The following MAFG variants were observed in gnomAD, a reference collection of about 807,000 sequenced individuals.
MAFG encodes MAF bZIP transcription factor G.
In MAFG, 3 loss-of-function variants were observed where a neutral mutation model predicts 12.2. The ratio of observed to expected loss-of-function variants is 0.25; its 90% CI spans 0.11 to 0.64. The LOEUF is 0.64. Ranked by LOEUF, MAFG falls within the 30% of genes least tolerant of loss-of-function variation. The pLI, the probability that MAFG is intolerant of heterozygous loss-of-function variation, is 0.85. For missense variants in MAFG, 153 were observed against 235.5 expected (o/e 0.65, Z 2.29); for synonymous variants, 126 against 109.1 (o/e 1.15, Z -0.96).
upstream of MAFG, chr17:81,927,894 G>A (rs539275979): frequency 1.3e-5 from 2 of 152,144 alleles, no homozygotes; most frequent in Non-Finnish European, 2.9e-5. Flanking sequence ...GGGGTCTCAC[G>A]GGCGGGCCTG....
chr17:81,923,088 A>G, intron 2 of MAFG, 31 bp from the exon 3 acceptor site: 1 of 1,609,382 alleles, frequency 6.2e-7, no homozygotes, highest in Non-Finnish European at 8.5e-7. Context: ...TCACAGGCCA[A>G]GCGGGCACGC....
chr17:81,929,656 T>C (rs185075532), upstream of MAFG: 1 of 152,378 alleles, frequency 6.6e-6, no homozygotes, highest in East Asian at 1.9e-4. This position sits in a 1 kb window ranked among gnomAD's most constrained non-coding sequence, Gnocchi z 5.7. Flanking sequence ...GAAAGGCTAC[T>C]GTACTGAGAG....
intron 1 of MAFG, among the ~76,000 whole-genome samples, chr17:81,925,996 C>CTGTGTG (rs532478689): frequency 4.9e-4 from 44 of 89,026 alleles, no homozygotes; most frequent in South Asian, 4.8e-3. Context: ...GAGAATGGAC[C>CTGTGTG]TGTGTGTGTG....
At chr17:81,923,096 C>T (rs769128567) in intron 2 of MAFG, 39 bp from the exon 3 acceptor site, 21 of 1,610,086 alleles carry the variant, frequency 1.3e-5, no homozygotes, top group South Asian at 3.3e-5. Flanking sequence ...CAAGCGGGCA[C>T]GCCCACTGTG....
intron 1 of MAFG, among the ~76,000 whole-genome samples, chr17:81,925,160 G>C (rs755346834): frequency 1.6e-4 from 24 of 152,320 alleles, no homozygotes; most frequent in African/African-American, 5.8e-4. Context: ...CCCTCCTCCA[G>C]CCCTCAAGGC....
intron 1 of MAFG, among the ~76,000 whole-genome samples, chr17:81,927,242 G>A (rs1442358889): frequency 2.6e-5 from 4 of 151,654 alleles, no homozygotes; most frequent in Non-Finnish European, 5.9e-5. Flanking sequence ...CCGGGTCTCC[G>A]AGTCCGCTCC....
In MAFG at chr17:81,925,021, C is replaced by CG. The variant is rs753098648; in HGVS notation, c.-29-1808dup. On this transcript the variant is annotated intron_variant, in intron 1 of 2. Transcript: ENST00000357736. Reference sequence around the variant, plus strand: ...CCATCGCCTCCTATCAAAGGTGCGCCGGGGGGTGGGGGAGGGGCAGCCCTG... The same window carrying CG: ...CCATCGCCTCCTATCAAAGGTGCGCCGGGGGGGTGGGGGAGGGGCAGCCCTG... 1.3e-3 allele frequency among the ~76,000 whole-genome samples: 196 copies of CG among 152,316 alleles called. 1 individual carries two copies. Among genetic ancestry groups the CG allele is most frequent in the Non-Finnish European group, 1.3e-3 (87 of 68,022 alleles).
rs532478689 is a variant in MAFG, at chr17:81,925,996, C to CTGTGTGTGTGTGTGTG, written c.-30+1516_-30+1531dup. ...TGGGGGGTGCTCACTGAGAATGGAC[C>CTGTGTGTGTGTGTGTG]TGTGTGTGTGTGTGTGTGTGTGTGT... On this transcript the variant is annotated intron_variant, in intron 1 of 2. Transcript: ENST00000357736. Among the ~76,000 whole-genome samples the CTGTGTGTGTGTGTGTG allele has an allele frequency of 5.5e-3, 490 of 89,020 alleles. 6 individuals carry two copies. Among genetic ancestry groups the CTGTGTGTGTGTGTGTG allele is most frequent in the African/African-American group, 0.022 (466 of 21,198 alleles). The allele number at this position is 89,020 out of a possible 152,430, so 58.4% of individuals were successfully genotyped here. A position where few individuals can be genotyped will look rare whatever the true frequency, so the allele number is the denominator to read the frequency against.
Position 81,918,337 on chromosome 17 carries a change from T to C in MAFG, c.*4268A>G. 4.7e-6 allele frequency: 2 copies of C among 422,562 alleles called. No homozygotes were observed. The highest frequency in any genetic ancestry group is 8.3e-6 in the Non-Finnish European group (2 of 241,938). 26.2% of individuals were successfully genotyped at this position (422,562 alleles called of 1,614,324 possible). ...CCTTATATATCACAAACATACACTA[T>C]GTACAGCAATAAATACCCGGGGGGC... On this transcript the variant is annotated 3_prime_UTR_variant, in exon 3 of 3. Transcript: ENST00000357736.
chr17:81,923,154 A>G lies in MAFG; in HGVS notation c.32T>C (p.Leu11Ser). The G allele has an allele frequency of 1.2e-6, 2 of 1,609,024 alleles. No homozygotes were observed. The highest frequency in any genetic ancestry group is 1.7e-6 in the Non-Finnish European group (2 of 1,178,574). MTTPNKGNKA[L>S]KVKREPGENG... ...CTCCTGTCCCTGCCCACTCACCTTCAAGGCCTTGTTTCCTTTATTGGGGGT... is the reference window on the plus strand; with the variant it reads ...CTCCTGTCCCTGCCCACTCACCTTCGAGGCCTTGTTTCCTTTATTGGGGGT... Residue 11 changes from leucine to serine, a missense_variant, in exon 2 of 3, where the codon TTG becomes TCG. Transcript: ENST00000357736.
chr17:81,923,113 G>A (rs762790484), intron 2 of MAFG, 37 bp downstream of exon 2: 37 of 1,611,414 alleles, frequency 2.3e-5, no homozygotes, highest in African/African-American at 4.0e-5. Context: ...TGTGCCCCCC[G>A]ACCCCAGCCC....
chr17:81,928,818 C>T (rs1315534752), upstream of MAFG, among the ~76,000 whole-genome samples: 1 of 152,262 alleles, frequency 6.6e-6, no homozygotes, highest in South Asian at 2.1e-4. The surrounding 1 kb of genome is among the most constrained non-coding windows in gnomAD (Gnocchi z 8.1). Flanking sequence ...CGTCTCCTGC[C>T]TCTCCTCCCT....
In MAFG at chr17:81,922,443, TCAGCCC is replaced by T; in HGVS notation, c.*156_*161del. On this transcript the variant is annotated 3_prime_UTR_variant, in exon 3 of 3. Transcript: ENST00000357736. ...ACGACAATGACGAGATCAAAGGGGC[TCAGCCC>T]GGCGCCCCTGGGGTACAGGTTGTGC... 1.9e-6 allele frequency: 1 copy of T among 537,236 alleles called. No individual in the cohort carries two copies. The highest frequency in any genetic ancestry group is 3.1e-6 in the Non-Finnish European group (1 of 321,128). 33.3% of individuals were successfully genotyped at this position (537,236 alleles called of 1,614,324 possible). A position where few individuals can be genotyped will look rare whatever the true frequency, so the allele number is the denominator to read the frequency against.
chr17:81,919,735 C>T lies in MAFG; in HGVS notation c.*2870G>A, dbSNP rs948254730. ...AGATCAGAAGGACAGCACACTCACACCTGCACATGAACACACCATCTATGT... is the reference window on the plus strand; with the variant it reads ...AGATCAGAAGGACAGCACACTCACATCTGCACATGAACACACCATCTATGT... On this transcript the variant is annotated 3_prime_UTR_variant, in exon 3 of 3. Transcript: ENST00000357736. The T allele has an allele frequency of 6.6e-6, 1 of 152,464 alleles. No individual in the cohort carries two copies. Among genetic ancestry groups the T allele is most frequent in the African/African-American group, 2.4e-5 (1 of 41,452 alleles). The allele number at this position is 152,464 out of a possible 1,614,324, so 9.4% of individuals were successfully genotyped here. A position where few individuals can be genotyped will look rare whatever the true frequency, so the allele number is the denominator to read the frequency against.
rs1319969346 is a variant in MAFG, at chr17:81,921,474, C to G, written c.*1131G>C. The G allele has an allele frequency of 6.6e-6, 1 of 152,210 alleles. No homozygotes were observed. The highest frequency in any genetic ancestry group is 2.4e-5 in the African/African-American group (1 of 41,408). The allele number at this position is 152,210 out of a possible 1,614,324, so 9.4% of individuals were successfully genotyped here. A position where few individuals can be genotyped will look rare whatever the true frequency, so the allele number is the denominator to read the frequency against. The stretch of plus-strand genomic sequence containing the variant: ...CCACGGCACCGGCAAGAGACGGAAG[C>G]AGGAAGGGCAGAGGAGTAAGTCACT... On this transcript the variant is annotated 3_prime_UTR_variant, in exon 3 of 3. Transcript: ENST00000357736.
intron 1 of MAFG, among the ~76,000 whole-genome samples, chr17:81,923,707 C>T (rs1011550129): frequency 1.3e-5 from 2 of 152,184 alleles, no homozygotes; most frequent in Admixed American, 6.5e-5. Context: ...AGCCCCCAGC[C>T]TGGCCAATAG....
chr17:81,927,170 CG>C (rs1463862575), intron 1 of MAFG, among the ~76,000 whole-genome samples: 1 of 151,178 alleles, frequency 6.6e-6, no homozygotes, highest in Non-Finnish European at 1.5e-5. Flanking sequence ...CGCGGACCCC[CG>C]GGCGCCTCGC....
rs187887560 is a variant in MAFG at position 81,926,342 on chromosome 17, C to G, written c.-30+1186G>C. ...CCACACCAGCCCATCTGCTGCACCC[C>G]AAGGCTAGGCACCCTGAAGCTCCCA... On this transcript the variant is annotated intron_variant, in intron 1 of 2. Transcript: ENST00000357736. This position sits in a 1 kb window ranked among gnomAD's most constrained non-coding sequence, Gnocchi z 4.6. Among the ~76,000 whole-genome samples the G allele has an allele frequency of 1.6e-4, 25 of 152,286 alleles. No homozygotes were observed. The East Asian group carries it at 4.6e-3, about 28-fold the overall frequency.
In MAFG at chr17:81,919,699, G is replaced by A. The variant is rs560049452; in HGVS notation, c.*2906C>T. On this transcript the variant is annotated 3_prime_UTR_variant, in exon 3 of 3. Transcript: ENST00000357736. Reference sequence around the variant, plus strand: ...TCCACCACCCTCTCAGTAGGAAAGCGGGATCAACAGAGATCAGAAGGACAG... The same window carrying A: ...TCCACCACCCTCTCAGTAGGAAAGCAGGATCAACAGAGATCAGAAGGACAG... 2.6e-4 allele frequency: 40 copies of A among 152,418 alleles called. No individual in the cohort carries two copies. The highest frequency in any genetic ancestry group is 8.9e-4 in the African/African-American group (37 of 41,574). The allele number at this position is 152,418 out of a possible 1,614,324, so 9.4% of individuals were successfully genotyped here. A position where few individuals can be genotyped will look rare whatever the true frequency, so the allele number is the denominator to read the frequency against.
Sources: allele counts gnomAD v4.1 joint callset (sites outside exome capture counted in the v4.1 genomes callset), GRCh38; gene constraint gnomAD v4.1.1; non-coding constraint Gnocchi (gnomAD v3.1); transcripts MANE v1.5; gene names NCBI Gene and HGNC (gene_info 2026-07-23, HGNC 2026-07-21).